The following GDE1 variants were observed in gnomAD, a reference collection of about 807,000 sequenced individuals.
GDE1 encodes the protein RGS16-interacting membrane protein.
Under a neutral mutation model 32.2 loss-of-function variants are expected in GDE1, and 24 were observed. The observed-to-expected ratio is 0.75, with a 90% CI of 0.54 to 1.05. The LOEUF is 1.05. Among genes scored for constraint, GDE1 ranks in the 50% least tolerant of loss-of-function variants. GDE1 has a pLI of 0.00. For missense variants in GDE1, 380 were observed against 415.0 expected (o/e 0.92, Z 0.73); for synonymous variants, 159 against 158.6 (o/e 1.00, Z -0.02).
At chr16:19,508,335 C>CTT (rs1384194309) in intron 3 of GDE1, among the ~76,000 whole-genome samples, 4 of 152,144 alleles carry the variant, frequency 2.6e-5, no homozygotes, top group African/African-American at 9.7e-5. Context: ...ACAGAAGTTT[C>CTT]TTTTTATAGT....
chr16:19,520,053 T>C (rs922439321), intron 1 of GDE1, among the ~76,000 whole-genome samples: 1 of 151,980 alleles, frequency 6.6e-6, no homozygotes, highest in Non-Finnish European at 1.5e-5. Context: ...AAGTCGAATG[T>C]ATACATACAT....
In GDE1 at chr16:19,518,475, A is replaced by C. The variant is rs560306350; in HGVS notation, c.262-1286T>G. Among the ~76,000 whole-genome samples the C allele has an allele frequency of 3.3e-5, 5 of 152,334 alleles. No homozygotes were observed. The South Asian group carries it at 1.0e-3, about 32-fold the overall frequency. ...GATAAGAAAACTGAGACAAAGAAAG[A>C]GTAGGAAACTTGCCCAGGGCTGCAC... On this transcript the variant is annotated intron_variant, in intron 1 of 5. Transcript: ENST00000353258.
chr16:19,508,726 T>C (rs973277769), intron 3 of GDE1, among the ~76,000 whole-genome samples: 2 of 127,746 alleles, frequency 1.6e-5, no homozygotes, highest in African/African-American at 7.0e-5. Flanking sequence ...TAACTGCTTT[T>C]AGTATCCCCA....
At chr16:19,516,152 A>G (rs574856511) in intron 2 of GDE1, among the ~76,000 whole-genome samples, 2 of 152,176 alleles carry the variant, frequency 1.3e-5, no homozygotes, top group Non-Finnish European at 2.9e-5. Flanking sequence ...TAGTGTATAT[A>G]CTTTGGAAGC....
At chr16:19,511,004 A>G in intron 2 of GDE1, 60 bp from the exon 3 acceptor site, 1 of 816,560 alleles carries the variant, frequency 1.2e-6, no homozygotes, top group Non-Finnish European at 2.0e-6. Context: ...CTGTATTGCA[A>G]CAAACATTTT....
chr16:19,521,312 G>T, intron 1 of GDE1: 1 of 186,864 alleles, frequency 5.4e-6, no homozygotes, highest in South Asian at 1.4e-4. Context: ...ATAAAATAGC[G>T]TAACTCTTTC....
In GDE1 at chr16:19,517,158, A is replaced by G. The variant is rs1430902630; in HGVS notation, c.293T>C (p.Leu98Ser). ...CCCGTCAGAAGTAAACTCAATGTCC[A>G]ACTCCACGCCTGTTGCTCCATTCTT... is the stretch of plus-strand genomic sequence containing the variant. ...AAKNGATGVE[L>S]DIEFTSDGIP... The change falls in exon 2 of 6, where the codon TTG becomes TCG. Residue 98 changes from leucine (L) to serine (S), a missense_variant. Leu to Ser is a moderately radical substitution (Grantham distance 145). Transcript: ENST00000353258. The G allele has an allele frequency of 1.2e-6, 2 of 1,613,968 alleles. No individual in the cohort carries two copies. Among genetic ancestry groups the G allele is most frequent in the Admixed American group, 1.7e-5 (1 of 60,020 alleles).
Position 19,517,135 on chromosome 16 carries a change from C to T in GDE1, c.316G>A (p.Gly106Arg), listed in dbSNP as rs370947471. The stretch of plus-strand genomic sequence containing the variant: ...TTATCGTGCATTAAGACAGGAATCC[C>T]GTCAGAAGTAAACTCAATGTCCAAC... ...VELDIEFTSD[G>R]IPVLMHDNTV... The change falls in exon 2 of 6, where the codon GGG (glycine) becomes AGG (arginine). Residue 106 changes from glycine (G) to arginine (R), a missense_variant. Gly to Arg is a moderately radical substitution (Grantham distance 125, BLOSUM62 -2). Transcript: ENST00000353258. 33 of 1,613,750 alleles carry T rather than the reference C, an allele frequency of 2.0e-5. No individual in the cohort carries two copies. Among genetic ancestry groups the T allele is most frequent in the South Asian group, 1.2e-4 (11 of 91,084 alleles).
At position 19,504,723 on chromosome 16, in the gene GDE1, T is replaced by C. The variant is rs538735911; in HGVS notation, c.848+158A>G. 598 of 597,278 alleles carry C rather than the reference T, an allele frequency of 1.0e-3. 3 individuals carry two copies. The African/African-American group carries it at 0.01, about 10-fold the overall frequency. The allele number at this position is 597,278 out of a possible 1,614,324, so 37.0% of individuals were successfully genotyped here. A position where few individuals can be genotyped will look rare whatever the true frequency, so the allele number is the denominator to read the frequency against. ...TGAAAACAGTGAAATATGCCTGAAC[T>C]CTTCCCACCTAAGAAGCGAAATTGG... On this transcript the variant is annotated intron_variant, in intron 5 of 5. Transcript: ENST00000353258.
intron 3 of GDE1, among the ~76,000 whole-genome samples, chr16:19,509,292 ACT>A (rs1168725088): frequency 6.6e-6 from 1 of 152,072 alleles, no homozygotes; most frequent in Non-Finnish European, 1.5e-5. Flanking sequence ...ACAGAGTGAG[ACT>A]CTGTCTCAAA....
intron 2 of GDE1, 55 bp downstream of exon 2, chr16:19,516,959 C>T: frequency 6.8e-7 from 1 of 1,473,224 alleles, no homozygotes; most frequent in Non-Finnish European, 9.5e-7. Flanking sequence ...GCACCAGTGT[C>T]TGTCATTTCC....
intron 1 of GDE1, among the ~76,000 whole-genome samples, chr16:19,517,661 C>A (rs1374504434): frequency 6.6e-6 from 1 of 152,196 alleles, no homozygotes; most frequent in Non-Finnish European, 1.5e-5. Context: ...ACAAAGACAC[C>A]ACGCCTGCTT....
intron 2 of GDE1, among the ~76,000 whole-genome samples, chr16:19,515,633 C>T (rs900476956): frequency 6.6e-6 from 1 of 152,166 alleles, no homozygotes; most frequent in African/African-American, 2.4e-5. Context: ...TCTGATGACA[C>T]TCAAGAACAA....
intron 5 of GDE1, 88 bp from the exon 6 acceptor site, chr16:19,503,705 A>G (rs1182880586): frequency 1.8e-6 from 2 of 1,084,648 alleles, no homozygotes; most frequent in Admixed American, 3.9e-5. Flanking sequence ...TGTTCACTGC[A>G]TACCAATGGT....
intron 1 of GDE1, 64 bp from the exon 2 acceptor site, chr16:19,517,253 C>T (rs1028799409): frequency 3.1e-6 from 4 of 1,288,878 alleles, no homozygotes; most frequent in Admixed American, 3.5e-5. Context: ...CATCTAACCA[C>T]CCAAAAGACC....
At position 19,503,178 on chromosome 16, in the gene GDE1, T is replaced by A; in HGVS notation, c.*292A>T. The A allele has an allele frequency of 4.9e-6, 2 of 407,560 alleles. No individual in the cohort carries two copies. Among genetic ancestry groups the A allele is most frequent in the Non-Finnish European group, 4.5e-6 (1 of 221,790 alleles). The allele number at this position is 407,560 out of a possible 1,614,324, so 25.2% of individuals were successfully genotyped here. ...TCTGCAAACTGTACAATTCAATCTG[T>A]GCTTATCCTCACTGGGTCTCCCTGT... On this transcript the variant is annotated 3_prime_UTR_variant, in exon 6 of 6. Coordinates refer to ENST00000353258, the MANE Select transcript of GDE1 (RefSeq NM_016641.4).
At chr16:19,504,288 C>CT (rs1194212757) in intron 5 of GDE1, 1 of 153,402 alleles carries the variant, frequency 6.5e-6, no homozygotes, top group Non-Finnish European at 1.5e-5. Flanking sequence ...GGCTTTGATT[C>CT]TTTACCCACT....
chr16:19,510,322 A>G (rs1969301531), intron 3 of GDE1, among the ~76,000 whole-genome samples: 2 of 152,218 alleles, frequency 1.3e-5, no homozygotes, highest in Admixed American at 1.3e-4. Flanking sequence ...AACTATACAT[A>G]AGGGATATAA....
intron 1 of GDE1, 160 bp downstream of exon 1, chr16:19,521,544 A>G: frequency 1.4e-6 from 1 of 713,458 alleles, no homozygotes; most frequent in Non-Finnish European, 2.3e-6. Context: ...TCAAGTCCGG[A>G]GATCCCTAGA....
Sources: gnomAD v4.1 joint callset for allele counts (sites outside exome capture counted in the v4.1 genomes callset) on GRCh38, gnomAD v4.1.1 for gene constraint, MANE v1.5 for transcripts, NCBI Gene and HGNC (gene_info 2026-07-23, HGNC 2026-07-21) for gene names.